Variants in NDUFAF6 observed in about 807,000 individuals in gnomAD.
The protein encoded by NDUFAF6 is NADH:ubiquinone oxidoreductase complex assembly factor 6.
NDUFAF6 carries 45 observed loss-of-function variants against 40.8 expected under a neutral mutation model. The observed-to-expected ratio is 1.10, with a 90% CI of 0.87 to 1.42. The LOEUF is 1.42. NDUFAF6 is among the 40% of genes most tolerant of loss of function. The pLI is 0.00. For missense variants in NDUFAF6, 435 were observed against 418.5 expected, an observed-to-expected ratio of 1.04 and a Z score of -0.34; for synonymous variants, 185 against 155.9, an observed-to-expected ratio of 1.19 and a Z score of -1.39.
At position 94,941,605 on chromosome 8, in the gene NDUFAF6, C is replaced by A. The variant is rs189586889; in HGVS notation, c.-935-3878C>A. 2.2e-3 allele frequency among the ~76,000 whole-genome samples: 341 copies of A among 152,336 alleles called. 2 individuals carry two copies. Among genetic ancestry groups the A allele is most frequent in the African/African-American group, 7.4e-3 (306 of 41,564 alleles). On this transcript the variant is annotated intron_variant, in intron 1 of 14. Coordinates refer to the NDUFAF6 transcript ENST00000396113. ...AGCCCAGCAAGCATACTTTGACCTT[C>A]TAAACAATTCCTACAGCTGGCATGA...
intron 1 of NDUFAF6, among the ~76,000 whole-genome samples, chr8:94,933,294 T>C (rs942030378): frequency 7.9e-5 from 12 of 152,164 alleles, no homozygotes; most frequent in African/African-American, 2.9e-4. Flanking sequence ...TATCCCTATA[T>C]AACTATCATA....
At chr8:94,930,370 GATTGGTTATCA>G (rs1466151006) in intron 1 of NDUFAF6, 2 of 1,438,664 alleles carry the variant, frequency 1.4e-6, no homozygotes, top group African/African-American at 1.4e-5. Context: ...AAAACTATGT[GATTGGTTATCA>G]ATTGGTTGTA....
upstream of NDUFAF6, among the ~76,000 whole-genome samples, chr8:95,097,756 G>T (rs34681252): frequency 0.22 from 34,227 of 152,170 alleles, 4,816 homozygotes; most frequent in African/African-American, 0.4. Context: ...GCCTGTATTG[G>T]TGGCTCTTCA....
At chr8:95,034,132 G>A (rs924598785) in intron 2 of NDUFAF6, 15 of 456,506 alleles carry the variant, frequency 3.3e-5, no homozygotes, top group Non-Finnish European at 5.3e-5. Flanking sequence ...AGTAAGAGTA[G>A]TACAAACAAT....
chr8:94,980,383 T>G (rs1179888224), intron 1 of NDUFAF6, among the ~76,000 whole-genome samples: 1 of 150,664 alleles, frequency 6.6e-6, no homozygotes, highest in East Asian at 1.9e-4. Context: ...CCAAGAAAGG[T>G]GTGACGGGAA....
chr8:95,071,329 T>C (rs142162844), intron 9 of NDUFAF6, among the ~76,000 whole-genome samples: 3,490 of 123,422 alleles, frequency 0.028, 127 homozygotes, highest in African/African-American at 0.1. Context: ...ACCTGGGAGG[T>C]GGAGTTTGCA....
intron 2 of NDUFAF6, among the ~76,000 whole-genome samples, chr8:94,984,579 T>C (rs557291474): frequency 6.6e-6 from 1 of 152,322 alleles, no homozygotes; most frequent in East Asian, 1.9e-4. Flanking sequence ...TCACCAAACT[T>C]GTGGAGTCCA....
chr8:94,964,269 A>C (rs1823830081), intron 1 of NDUFAF6, among the ~76,000 whole-genome samples: 1 of 152,022 alleles, frequency 6.6e-6, no homozygotes. Flanking sequence ...CTCTACAAAA[A>C]AATTTAAAAA....
downstream of NDUFAF6, among the ~76,000 whole-genome samples, chr8:95,080,436 GTATTTTTGTAGTGATTTTTGTAGTGT>G (rs1435401798): frequency 2.3e-5 from 3 of 127,730 alleles, no homozygotes; most frequent in East Asian, 5.0e-4. Flanking sequence ...TTTTTGTAGT[GTATTTTTGTAGTGATTTTTGTAGTGT>G]ATTTTTGTAG....
chr8:94,983,535 G>T (rs1825616496), intron 2 of NDUFAF6, among the ~76,000 whole-genome samples: 1 of 152,084 alleles, frequency 6.6e-6, no homozygotes, highest in African/African-American at 2.4e-5. Flanking sequence ...CAAAGTGCTA[G>T]GATTTACAGG....
chr8:95,094,284 C>T (rs1809364473), intron 2 of NDUFAF6, among the ~76,000 whole-genome samples: 1 of 151,930 alleles, frequency 6.6e-6, no homozygotes, highest in Non-Finnish European at 1.5e-5. Context: ...GAAATACTTC[C>T]TTTTTCACCC....
intron 1 of NDUFAF6, among the ~76,000 whole-genome samples, chr8:94,915,016 C>G (rs1819034249): frequency 2.0e-5 from 3 of 152,110 alleles, no homozygotes. Context: ...GAACTCATCA[C>G]CCAAATAGTG....
At chr8:94,976,501 C>CAAA (rs35323204) in intron 1 of NDUFAF6, among the ~76,000 whole-genome samples, 4 of 91,942 alleles carry the variant, frequency 4.4e-5, no homozygotes, top group African/African-American at 1.9e-4. Flanking sequence ...CACTCCATCT[C>CAAA]AAAAAAAAAA....
intron 2 of NDUFAF6, among the ~76,000 whole-genome samples, chr8:95,009,295 C>T (rs1827133489): frequency 6.6e-6 from 1 of 152,142 alleles, no homozygotes; most frequent in African/African-American, 2.4e-5. Flanking sequence ...TGTCAGCCAG[C>T]ACATAATACA....
intron 2 of NDUFAF6, among the ~76,000 whole-genome samples, chr8:95,009,191 C>T (rs1586957693): frequency 6.6e-6 from 1 of 150,898 alleles, no homozygotes; most frequent in Non-Finnish European, 1.5e-5. Context: ...CAGAGCAAGA[C>T]CCTATCTCTA....
intron 2 of NDUFAF6, among the ~76,000 whole-genome samples, chr8:94,997,331 CACACACACACACAG>C (rs1232890330): frequency 9.1e-4 from 127 of 139,366 alleles, no homozygotes; most frequent in African/African-American, 3.0e-3. Flanking sequence ...CACACACACA[CACACACACACACAG>C]AGAGAGAGAG....
rs1283967724 is a variant in NDUFAF6 at position 95,056,644 on chromosome 8, T to TG, written c.874-1164dup. On this transcript the variant is annotated intron_variant, in intron 8 of 8. Transcript: ENST00000396124. ...GATAATGGCCGGGTGCGGTGGCTCA[T>TG]GCCTGTAATCCCAGTACTTTGGGAG... Among the ~76,000 whole-genome samples the TG allele has an allele frequency of 6.6e-5, 10 of 151,824 alleles. No individual in the cohort carries two copies. In the East Asian group the frequency reaches 1.9e-3, roughly 29 times the overall value.
At chr8:95,044,557 A>ATTCTCCT (rs1390176729) in intron 4 of NDUFAF6, 1 of 148,508 alleles carries the variant, frequency 6.7e-6, no homozygotes, top group Middle Eastern at 3.2e-3. Context: ...GGTTCAAGTG[A>ATTCTCCT]TTCTCCTGCC....
At chr8:95,025,733 A>G (rs1220375079) in intron 1 of NDUFAF6, among the ~76,000 whole-genome samples, 2 of 152,202 alleles carry the variant, frequency 1.3e-5, no homozygotes, top group Admixed American at 1.3e-4. Context: ...ACAGACAAGG[A>G]AACTGGGTTT....
Sources: allele counts gnomAD v4.1 joint callset (sites outside exome capture counted in the v4.1 genomes callset), GRCh38; gene constraint gnomAD v4.1.1; transcripts MANE v1.5; gene names NCBI Gene and HGNC (gene_info 2026-07-23, HGNC 2026-07-21).